Variants in RELN observed in about 807,000 individuals in gnomAD.
RELN encodes reelin.
Under a neutral mutation model 427.6 loss-of-function variants are expected in RELN, and 108 were observed. The observed-to-expected ratio is 0.25, with a 90% CI of 0.22 to 0.30. RELN has a LOEUF of 0.30. RELN is among the 10% of genes least tolerant of loss of function. The pLI, the probability that RELN is intolerant of heterozygous loss-of-function variation, is 1.00. For missense variants in RELN, 3,715 were observed against 4,302.8 expected (o/e 0.86, Z 3.82); for synonymous variants, 1,524 against 1,513.4 (o/e 1.01, Z -0.16).
chr7:103,587,427 A>G (rs768658648), intron 28 of RELN, among the ~76,000 whole-genome samples: 1 of 152,204 alleles, frequency 6.6e-6, no homozygotes, highest in Non-Finnish European at 1.5e-5. Flanking sequence ...CAAAAATTCT[A>G]GAAGAAAACC....
chr7:103,892,094 TC>T (rs1167792991), intron 2 of RELN, among the ~76,000 whole-genome samples: 6 of 152,228 alleles, frequency 3.9e-5, no homozygotes, highest in African/African-American at 1.4e-4. Context: ...CAACTATTTT[TC>T]ACTCATATTC....
intron 51 of RELN, among the ~76,000 whole-genome samples, chr7:103,507,601 C>T (rs1829257643): frequency 6.6e-6 from 1 of 151,878 alleles, no homozygotes; most frequent in African/African-American, 2.4e-5. Context: ...AAACTGACAC[C>T]CTAACATCAA....
At chr7:103,920,366 T>C (rs571538835) in intron 1 of RELN, among the ~76,000 whole-genome samples, 1 of 152,294 alleles carries the variant, frequency 6.6e-6, no homozygotes, top group South Asian at 2.1e-4. Flanking sequence ...TGTGTCTAAC[T>C]GATATCTAAC....
intron 16 of RELN, among the ~76,000 whole-genome samples, chr7:103,643,175 T>G (rs937368163): frequency 1.3e-5 from 2 of 152,032 alleles, no homozygotes; most frequent in African/African-American, 4.8e-5. Flanking sequence ...AAATCAACAT[T>G]AAACAAGGGT....
chr7:103,500,892 G>A lies in RELN; in HGVS notation c.8520C>T (p.Tyr2840=), dbSNP rs2117033378. 1 of 1,614,114 alleles carries A rather than the reference G, an allele frequency of 6.2e-7. No individual in the cohort carries two copies. Among genetic ancestry groups the A allele is most frequent in the East Asian group, 2.2e-5 (1 of 44,882 alleles). Residue 2840 remains tyrosine (Y), a synonymous_variant, in exon 53 of 65, where the codon TAC becomes TAT. Transcript: ENST00000428762. ...TATCGATTGCCCACTGCATGTCTGA[G>A]TACTTCTGATAGAACCTAAACCTTA... The part of the protein sequence containing the change: ...NPVRFRFYQK[Y]SDMQWAIDNF...
At chr7:103,820,034 T>C (rs1006095078) in intron 3 of RELN, among the ~76,000 whole-genome samples, 3 of 151,950 alleles carry the variant, frequency 2.0e-5, no homozygotes, top group African/African-American at 7.2e-5. Context: ...TTACAAAATA[T>C]ACAATAATAA....
At chr7:103,897,441 ACATGTGTATTTATGTGGTGTGTGT>A (rs1205163081) in intron 2 of RELN, among the ~76,000 whole-genome samples, 4 of 152,006 alleles carry the variant, frequency 2.6e-5, no homozygotes, top group Non-Finnish European at 5.9e-5. Flanking sequence ...GTGTGTGCTC[ACATGTGTATTTATGTGGTGTGTGT>A]CCCTACATTT....
rs547858675 is a variant in RELN, at chr7:103,721,579, AT to A, written c.805+1560del. Among the ~76,000 whole-genome samples the A allele has an allele frequency of 2.1e-3, 318 of 152,286 alleles. 2 individuals carry two copies. The highest frequency in any genetic ancestry group is 3.5e-3 in the Non-Finnish European group (239 of 68,018). On this transcript the variant is annotated intron_variant, in intron 8 of 64. Transcript: ENST00000428762. The stretch of plus-strand genomic sequence containing the variant: ...ATCTATGCCATATTAGCAGTATACT[AT>A]TCACCAAAATAGTAATTTTTCCCTG...
chr7:103,853,730 T>C (rs537441175), intron 2 of RELN, among the ~76,000 whole-genome samples: 1 of 152,142 alleles, frequency 6.6e-6, no homozygotes, highest in Admixed American at 6.5e-5. Flanking sequence ...ATATGTCTCA[T>C]AATATACAAA....
intron 2 of RELN, among the ~76,000 whole-genome samples, chr7:103,847,825 T>C (rs988470742): frequency 6.6e-6 from 1 of 152,178 alleles, no homozygotes; most frequent in Non-Finnish European, 1.5e-5. Context: ...ATCTGACTCC[T>C]AAACTGGAAG....
At chr7:103,556,431 A>G (rs914475004) in intron 38 of RELN, among the ~76,000 whole-genome samples, 11 of 32,620 alleles carry the variant, frequency 3.4e-4, no homozygotes, top group East Asian at 1.6e-3. Context: ...ATATACGTGT[A>G]TATATATATA....
At chr7:103,785,496 A>G (rs1791993223) in intron 3 of RELN, among the ~76,000 whole-genome samples, 2 of 152,178 alleles carry the variant, frequency 1.3e-5, no homozygotes, top group Non-Finnish European at 2.9e-5. Flanking sequence ...CAATAGAAGA[A>G]GCGGAGTTTT....
At chr7:103,967,411 G>A (rs1373032811) in intron 1 of RELN, among the ~76,000 whole-genome samples, 1 of 152,248 alleles carries the variant, frequency 6.6e-6, no homozygotes, top group South Asian at 2.1e-4. Flanking sequence ...ATGAAGTATA[G>A]TGATTTAGGT....
chr7:103,928,776 C>T (rs1247065263), intron 1 of RELN, among the ~76,000 whole-genome samples: 1 of 152,166 alleles, frequency 6.6e-6, no homozygotes, highest in African/African-American at 2.4e-5. Flanking sequence ...GGACTGAAAC[C>T]AATCCAGAAT....
chr7:103,585,286 A>G (rs1831244398), intron 28 of RELN, among the ~76,000 whole-genome samples: 1 of 152,170 alleles, frequency 6.6e-6, no homozygotes, highest in South Asian at 2.1e-4. Context: ...CTTTGAAAAG[A>G]TAACAAAGTT....
At chr7:103,536,107 C>G (rs974918526) in intron 45 of RELN, among the ~76,000 whole-genome samples, 1 of 151,992 alleles carries the variant, frequency 6.6e-6, no homozygotes, top group Non-Finnish European at 1.5e-5. Flanking sequence ...GGTGAAACTT[C>G]TTAGAAATTG....
Position 103,774,049 on chromosome 7 carries a change from A to T in RELN, c.544+2508T>A, listed in dbSNP as rs747943828. On this transcript the variant is annotated intron_variant, in intron 4 of 64. Transcript: ENST00000428762. ...GGTGGCTCATGCCTGTAATCCTAGC[A>T]CTTTGGGAGGTTGAGGCAGGCTGAT... Among the ~76,000 whole-genome samples the T allele has an allele frequency of 2.8e-4, 42 of 152,124 alleles. 1 individual carries two copies. Among genetic ancestry groups the T allele is most frequent in the Middle Eastern group, 3.4e-3 (1 of 294 alleles).
chr7:103,635,347 T>G, intron 19 of RELN, 78 bp downstream of exon 19: 1 of 1,509,882 alleles, frequency 6.6e-7, no homozygotes, highest in South Asian at 1.1e-5. Flanking sequence ...TATCTAGAAT[T>G]TTATACCATT....
intron 2 of RELN, among the ~76,000 whole-genome samples, chr7:103,913,681 A>G (rs898895747): frequency 1.3e-5 from 2 of 152,178 alleles, no homozygotes; most frequent in Non-Finnish European, 2.9e-5. Context: ...CAAATACCCC[A>G]AAAATTAATG....
Sources: allele counts gnomAD v4.1 joint callset (sites outside exome capture counted in the v4.1 genomes callset), GRCh38; gene constraint gnomAD v4.1.1; transcripts MANE v1.5; gene names NCBI Gene and HGNC (gene_info 2026-07-23, HGNC 2026-07-21).